The following COL22A1 variants were observed in gnomAD, a reference collection of about 807,000 sequenced individuals.
COL22A1 encodes collagen alpha-1(XXII) chain.
Under a neutral mutation model 248.9 loss-of-function variants are expected in COL22A1, and 221 were observed. The observed-to-expected ratio is 0.89, with a 90% CI of 0.80 to 0.99. The LOEUF (loss-of-function observed/expected upper bound fraction) is 0.99. COL22A1 is among the 50% of genes least tolerant of loss of function. The pLI is 0.00. For synonymous variants in COL22A1, 891 were observed against 793.4 expected (o/e 1.12, Z -2.07); for missense variants, 2,240 against 2,179.0 (o/e 1.03, Z -0.56).
At chr8:138,798,544 C>T (rs935426377) in intron 11 of COL22A1, among the ~76,000 whole-genome samples, 3 of 152,048 alleles carry the variant, frequency 2.0e-5, no homozygotes, top group African/African-American at 7.2e-5. Context: ...TAGAAACATA[C>T]TCCTTCTTAG....
chr8:138,687,366 G>A (rs538857507), intron 37 of COL22A1, among the ~76,000 whole-genome samples: 1 of 152,296 alleles, frequency 6.6e-6, no homozygotes, highest in East Asian at 1.9e-4. Context: ...TGGGAGACGT[G>A]TATCTTAAAA....
At chr8:138,812,827 G>A (rs1818354945) in intron 8 of COL22A1, 112 bp downstream of exon 8, 10 of 817,622 alleles carry the variant, frequency 1.2e-5, no homozygotes, top group South Asian at 8.7e-5. Flanking sequence ...ATATTCTGAT[G>A]GTGGATGTCT....
In COL22A1 at chr8:138,878,303, G is replaced by A. The variant is rs1399757745; in HGVS notation, c.105C>T (p.Val35=). 2 of 1,550,450 alleles carry A rather than the reference G, an allele frequency of 1.3e-6. No individual in the cohort carries two copies. The highest frequency in any genetic ancestry group is 3.8e-5 in the Admixed American group (2 of 53,162). The part of the protein sequence containing the change: ...CQAQRAGCKS[V]HYDLVFLLDT... ...CCAGGAGGAAGACCAGATCGTAGTG[G>A]ACACTTTTGCAACCTGCAGGGGTGA... Residue 35 remains valine (V), a synonymous_variant, in exon 3 of 65, where the codon GTC becomes GTT. Coordinates refer to ENST00000303045, the MANE Select transcript of COL22A1 (RefSeq NM_152888.3).
intron 53 of COL22A1, among the ~76,000 whole-genome samples, chr8:138,618,319 CTA>C (rs2131924560): frequency 6.6e-6 from 1 of 152,334 alleles, no homozygotes; most frequent in African/African-American, 2.4e-5. Flanking sequence ...CTGACTTATT[CTA>C]TGTCAGCCAG....
chr8:138,796,507 G>C (rs1482606187), intron 12 of COL22A1, among the ~76,000 whole-genome samples: 3 of 148,640 alleles, frequency 2.0e-5, no homozygotes, highest in African/African-American at 7.5e-5. Flanking sequence ...CCACTTCTCG[G>C]GTATAGTTCA....
chr8:138,591,150 A>AT (rs1202210973), intron 64 of COL22A1, among the ~76,000 whole-genome samples: 12 of 151,824 alleles, frequency 7.9e-5, no homozygotes, highest in East Asian at 3.9e-4. Context: ...GCCCAAGTCA[A>AT]TTTTTTTTTC....
chr8:138,912,500 G>A (rs760214268), intron 1 of COL22A1, among the ~76,000 whole-genome samples: 1 of 152,188 alleles, frequency 6.6e-6, no homozygotes, highest in African/African-American at 2.4e-5. Context: ...CAGCACTCTG[G>A]GAGGCCAAGG....
At chr8:138,749,644 A>G (rs1832422035) in intron 22 of COL22A1, among the ~76,000 whole-genome samples, 1 of 152,178 alleles carries the variant, frequency 6.6e-6, no homozygotes, top group South Asian at 2.1e-4. Context: ...TGATGGTGAT[A>G]TCTTCCCCAC....
intron 16 of COL22A1, among the ~76,000 whole-genome samples, chr8:138,768,424 G>A (rs1834083019): frequency 6.6e-6 from 1 of 152,216 alleles, no homozygotes; most frequent in African/African-American, 2.4e-5. Context: ...AACATCCGGA[G>A]GCAGCAGAAG....
chr8:138,637,733 T>C (rs1050472271), intron 47 of COL22A1, among the ~76,000 whole-genome samples: 2 of 152,186 alleles, frequency 1.3e-5, no homozygotes, highest in South Asian at 4.1e-4. Flanking sequence ...ACCTAAAATA[T>C]ACAAAGTGCT....
At chr8:138,694,019 T>C (rs913847916) in intron 34 of COL22A1, among the ~76,000 whole-genome samples, 1 of 152,030 alleles carries the variant, frequency 6.6e-6, no homozygotes, top group African/African-American at 2.4e-5. Flanking sequence ...TCTCCTACCA[T>C]AGCACAGAGT....
At chr8:138,712,060 T>C (rs1829015759) in intron 30 of COL22A1, among the ~76,000 whole-genome samples, 1 of 152,118 alleles carries the variant, frequency 6.6e-6, no homozygotes, top group African/African-American at 2.4e-5. Context: ...ATTACCTAAG[T>C]CCCTACACAG....
intron 55 of COL22A1, among the ~76,000 whole-genome samples, chr8:138,614,386 G>A (rs191017164): frequency 1.2e-4 from 19 of 152,262 alleles, no homozygotes; most frequent in African/African-American, 4.1e-4. Flanking sequence ...TCTTCCAAGC[G>A]GCCCTGTGAC....
chr8:138,609,907 G>A (rs145752440), intron 56 of COL22A1, among the ~76,000 whole-genome samples: 1 of 152,128 alleles, frequency 6.6e-6, no homozygotes, highest in Non-Finnish European at 1.5e-5. Context: ...GCTGTCCCTC[G>A]CCAAGCCCCT....
chr8:138,844,949 CAAAAA>C (rs56957004), intron 3 of COL22A1, among the ~76,000 whole-genome samples: 1 of 49,308 alleles, frequency 2.0e-5, no homozygotes. Context: ...GACTCCATCT[CAAAAA>C]AAAAAAAAAA....
chr8:138,783,837 G>A (rs1815265690), intron 12 of COL22A1, among the ~76,000 whole-genome samples: 1 of 152,174 alleles, frequency 6.6e-6, no homozygotes, highest in Non-Finnish European at 1.5e-5. Context: ...CCTTTACAGT[G>A]GGTTTTCTTG....
chr8:138,649,303 G>C (rs1822486253), intron 46 of COL22A1, among the ~76,000 whole-genome samples: 1 of 152,212 alleles, frequency 6.6e-6, no homozygotes, highest in Non-Finnish European at 1.5e-5. Flanking sequence ...TGATCTATGA[G>C]TCTGAAGTGC....
chr8:138,784,267 G>A (rs1195403512), intron 12 of COL22A1, among the ~76,000 whole-genome samples: 1 of 152,186 alleles, frequency 6.6e-6, no homozygotes, highest in Non-Finnish European at 1.5e-5. Flanking sequence ...GCAGACAAGT[G>A]GTTTGGGAAT....
chr8:138,592,962 C>T (rs1183364737), intron 63 of COL22A1, among the ~76,000 whole-genome samples: 1 of 152,060 alleles, frequency 6.6e-6, no homozygotes, highest in African/African-American at 2.4e-5. Context: ...GACTTGGAAC[C>T]AACCCAAATG....
Sources: gnomAD v4.1 joint callset for allele counts (sites outside exome capture counted in the v4.1 genomes callset) on GRCh38, gnomAD v4.1.1 for gene constraint, MANE v1.5 for transcripts, NCBI Gene and HGNC (gene_info 2026-07-23, HGNC 2026-07-21) for gene names.